The following ABCA13 variants were observed in gnomAD, a reference collection of about 807,000 sequenced individuals.
The protein encoded by ABCA13 is ATP-binding cassette sub-family A member 13.
In ABCA13, 476 loss-of-function variants were observed where a neutral mutation model predicts 478.7. The observed-to-expected ratio is 0.99, with a 90% CI of 0.92 to 1.07. ABCA13 has a LOEUF of 1.07. Ranked by LOEUF, ABCA13 falls within the 50% of genes least tolerant of loss-of-function variation. The pLI, the probability that ABCA13 is intolerant of heterozygous loss-of-function variation, is 0.00. For missense variants in ABCA13, 6,060 were observed against 5,910.6 expected, an observed-to-expected ratio of 1.03 and a Z score of -0.83; for synonymous variants, 2,252 against 2,158.9, an observed-to-expected ratio of 1.04 and a Z score of -1.20.
intron 5 of ABCA13, among the ~76,000 whole-genome samples, chr7:48,226,948 G>T (rs572186829): frequency 6.6e-6 from 1 of 151,994 alleles, no homozygotes; most frequent in African/African-American, 2.4e-5. Context: ...CACAGACTTT[G>T]TTGCTTCAAA....
chr7:48,360,764 G>A (rs766840642), intron 31 of ABCA13, among the ~76,000 whole-genome samples: 5 of 151,884 alleles, frequency 3.3e-5, no homozygotes, highest in Non-Finnish European at 5.9e-5. Flanking sequence ...ATACTCATTT[G>A]GGAACTATTT....
At position 48,458,200 on chromosome 7, in the gene ABCA13, G is replaced by A. The variant is rs570877053; in HGVS notation, c.12815+2914G>A. On this transcript the variant is annotated intron_variant, in intron 43 of 61. Coordinates refer to ENST00000435803, the MANE Select transcript of ABCA13 (RefSeq NM_152701.5). ...TGATAAATGATGTGGCCATTCCTTC[G>A]TTATTGAATCTGAGCACCATGATCT... is the stretch of plus-strand genomic sequence containing the variant. 2.6e-5 allele frequency among the ~76,000 whole-genome samples: 4 copies of A among 152,238 alleles called. No individual in the cohort carries two copies. In the East Asian group the frequency reaches 5.8e-4, roughly 22 times the overall value.
chr7:48,631,331 A>G (rs905550173), intron 59 of ABCA13, among the ~76,000 whole-genome samples: 2 of 152,086 alleles, frequency 1.3e-5, no homozygotes, highest in African/African-American at 2.4e-5. Context: ...ATTTTTATAC[A>G]TGGTGAAAGA....
chr7:48,417,798 T>C (rs1199875178), intron 41 of ABCA13, among the ~76,000 whole-genome samples: 3 of 152,226 alleles, frequency 2.0e-5, no homozygotes, highest in African/African-American at 7.2e-5. Flanking sequence ...ACAGTTTCAC[T>C]GCCCTGAAAA....
chr7:48,624,802 G>A (rs940237979), intron 59 of ABCA13, among the ~76,000 whole-genome samples: 3 of 152,080 alleles, frequency 2.0e-5, no homozygotes, highest in Non-Finnish European at 4.4e-5. Flanking sequence ...TGATCTGCCC[G>A]CCTCAGTCTC....
chr7:48,316,044 A>G (rs1802534527), intron 26 of ABCA13, among the ~76,000 whole-genome samples: 1 of 152,102 alleles, frequency 6.6e-6, no homozygotes, highest in Admixed American at 6.5e-5. Context: ...AGTATTCCTC[A>G]CTAGCTTAAA....
chr7:48,461,436 C>T (rs1004513162), intron 43 of ABCA13, among the ~76,000 whole-genome samples: 7 of 152,206 alleles, frequency 4.6e-5, no homozygotes, highest in South Asian at 2.1e-4. Flanking sequence ...CAATGTAACT[C>T]GCCCATGGTC....
chr7:48,202,575 GT>G (rs1237605129), intron 3 of ABCA13, among the ~76,000 whole-genome samples: 1 of 151,946 alleles, frequency 6.6e-6, no homozygotes, highest in Admixed American at 6.5e-5. Context: ...GCTGATTGGA[GT>G]GTTTACAAAC....
intron 38 of ABCA13, among the ~76,000 whole-genome samples, chr7:48,396,944 G>C (rs991808393): frequency 3.3e-5 from 5 of 152,226 alleles, no homozygotes; most frequent in African/African-American, 1.2e-4. Context: ...GCAGTATTAT[G>C]AACATTCTTT....
intron 1 of ABCA13, among the ~76,000 whole-genome samples, chr7:48,179,728 C>T (rs547848262): frequency 5.3e-5 from 8 of 152,152 alleles, no homozygotes; most frequent in Non-Finnish European, 7.3e-5. Context: ...GGGCCTGCTA[C>T]GAAAGATCCC....
intron 55 of ABCA13, among the ~76,000 whole-genome samples, chr7:48,574,311 C>A (rs534938950): frequency 6.6e-6 from 1 of 152,108 alleles, no homozygotes; most frequent in East Asian, 1.9e-4. Flanking sequence ...TTTTAAAGGG[C>A]TTGTCTATTT....
intron 59 of ABCA13, among the ~76,000 whole-genome samples, chr7:48,642,471 CTG>C (rs1214927370): frequency 6.6e-6 from 1 of 152,192 alleles, no homozygotes; most frequent in African/African-American, 2.4e-5. Context: ...GGTACTCATA[CTG>C]TGCTTGGTAC....
intron 53 of ABCA13, among the ~76,000 whole-genome samples, chr7:48,523,960 A>T (rs1488905972): frequency 6.6e-6 from 1 of 152,228 alleles, no homozygotes; most frequent in Middle Eastern, 3.2e-3. Flanking sequence ...TAGTACAATT[A>T]ATCTGGCATG....
chr7:48,513,242 G>T (rs896719446), intron 51 of ABCA13, among the ~76,000 whole-genome samples: 1 of 152,186 alleles, frequency 6.6e-6, no homozygotes, highest in Non-Finnish European at 1.5e-5. Flanking sequence ...CTAAGAGCAC[G>T]TCCAGGCATT....
At position 48,338,470 on chromosome 7, in the gene ABCA13, G is replaced by T; in HGVS notation, c.10204+15G>T. ...CCAGACATACGGTAAGTGTGCTGAT[G>T]GGCATGGTAGTGTTCTTCTGCCCAT... On this transcript the variant is annotated intron_variant, in intron 29 of 61. Coordinates refer to ENST00000435803, the MANE Select transcript of ABCA13 (RefSeq NM_152701.5). The T allele has an allele frequency of 6.4e-7, 1 of 1,569,086 alleles. No homozygotes were observed. The highest frequency in any genetic ancestry group is 8.7e-7 in the Non-Finnish European group (1 of 1,155,344).
At chr7:48,599,371 G>GC (rs1554579414) in intron 58 of ABCA13, among the ~76,000 whole-genome samples, 277 of 146,810 alleles carry the variant, frequency 1.9e-3, no homozygotes, top group African/African-American at 6.5e-3. Flanking sequence ...AGGGGTTACA[G>GC]TTTTTTTTTT....
At chr7:48,414,040 A>C (rs1441805992) in intron 41 of ABCA13, among the ~76,000 whole-genome samples, 1 of 152,234 alleles carries the variant, frequency 6.6e-6, no homozygotes. Flanking sequence ...GAGTCCATCC[A>C]TTCCCACTGC....
chr7:48,201,842 A>G (rs998803584), intron 3 of ABCA13, among the ~76,000 whole-genome samples: 2 of 152,224 alleles, frequency 1.3e-5, no homozygotes, highest in East Asian at 3.8e-4. Flanking sequence ...GGTAAGTGTT[A>G]CAGCTCTTAA....
At chr7:48,482,213 A>G (rs1374090562) in intron 46 of ABCA13, among the ~76,000 whole-genome samples, 3 of 152,160 alleles carry the variant, frequency 2.0e-5, no homozygotes, top group African/African-American at 7.2e-5. Flanking sequence ...ATTGATAACA[A>G]TGGATGGAAA....
Sources: gnomAD v4.1 joint callset for allele counts (sites outside exome capture counted in the v4.1 genomes callset) on GRCh38, gnomAD v4.1.1 for gene constraint, MANE v1.5 for transcripts, NCBI Gene and HGNC (gene_info 2026-07-23, HGNC 2026-07-21) for gene names.